The following PRDM1 variants were observed in gnomAD, a reference collection of about 807,000 sequenced individuals.
PRDM1 encodes PR domain zinc finger protein 1.
Under a neutral mutation model 62.8 loss-of-function variants are expected in PRDM1, and 13 were observed. The observed-to-expected ratio is 0.21, with a 90% CI of 0.13 to 0.33. The LOEUF (loss-of-function observed/expected upper bound fraction) is 0.33, where lower values mean the gene tolerates loss of function less well. PRDM1 is among the 10% of genes least tolerant of loss of function. The pLI is 1.00. For synonymous variants in PRDM1, 396 were observed against 417.6 expected (o/e 0.95, Z 0.63); for missense variants, 895 against 1,058.8 (o/e 0.85, Z 2.15).
At chr6:106,048,699 A>G (rs2114581609) in exon 1 of PRDM1, among the ~76,000 whole-genome samples, 1 of 152,304 alleles carries the variant, frequency 6.6e-6, no homozygotes, top group East Asian at 1.9e-4. Flanking sequence ...TTTATGGAAT[A>G]CTGAAGGCCA....
intron 1 of PRDM1, among the ~76,000 whole-genome samples, chr6:105,996,023 A>G (rs534992463): frequency 1.3e-5 from 2 of 152,270 alleles, no homozygotes; most frequent in East Asian, 1.9e-4. Flanking sequence ...TCTTTTTTCA[A>G]ACTTGATTTC....
chr6:105,999,144 G>T (rs1407440853), intron 1 of PRDM1, among the ~76,000 whole-genome samples: 1 of 151,834 alleles, frequency 6.6e-6, no homozygotes, highest in Non-Finnish European at 1.5e-5. Flanking sequence ...TCACTATGTT[G>T]CCCAGGTTGG....
chr6:106,043,083 T>C (rs752323679), intron 1 of PRDM1, among the ~76,000 whole-genome samples: 15 of 152,160 alleles, frequency 9.9e-5, no homozygotes, highest in Non-Finnish European at 2.1e-4. Context: ...ACTCCTGACC[T>C]TAGCTGATCT....
chr6:106,006,254 C>G (rs565569699), intron 1 of PRDM1, among the ~76,000 whole-genome samples: 1 of 152,158 alleles, frequency 6.6e-6, no homozygotes, highest in East Asian at 1.9e-4. Context: ...TTTTTCCTCC[C>G]TTATATGGAT....
intron 3 of PRDM1, chr6:106,098,657 C>T: frequency 1.5e-6 from 2 of 1,344,520 alleles, no homozygotes; most frequent in Non-Finnish European, 9.9e-7. Context: ...GGCTGCTGCC[C>T]GAGTGTTCGC....
In PRDM1 at chr6:106,033,317, GT is replaced by G. The variant is rs147098593; in HGVS notation, c.-67+39694del. Among the ~76,000 whole-genome samples the G allele has an allele frequency of 6.2e-3, 841 of 136,238 alleles. 3 individuals are homozygous for G. Among genetic ancestry groups the G allele is most frequent in the African/African-American group, 0.012 (448 of 37,168 alleles). The allele number at this position is 136,238 out of a possible 152,430, so 89.4% of individuals were successfully genotyped here. ...GCACCATTATGCCCAGCTAATATTA[GT>G]TTTTTTTTTTTTTTTGTAGAGACAG... is the stretch of plus-strand genomic sequence containing the variant. On this transcript the variant is annotated intron_variant, in intron 1 of 6. Transcript: ENST00000652320.
At chr6:106,040,441 A>T (rs1772977693) in intron 1 of PRDM1, among the ~76,000 whole-genome samples, 1 of 152,198 alleles carries the variant, frequency 6.6e-6, no homozygotes, top group South Asian at 2.1e-4. Context: ...ACCTTCTAGT[A>T]AAAGGATTGA....
At chr6:106,104,036 A>G (rs929372927) in intron 4 of PRDM1, among the ~76,000 whole-genome samples, 6 of 152,354 alleles carry the variant, frequency 3.9e-5, no homozygotes, top group Middle Eastern at 6.8e-3. Flanking sequence ...CAACAAGAGT[A>G]GAAGCGAAAA....
At chr6:106,076,011 G>A (rs1428373211) in intron 1 of PRDM1, among the ~76,000 whole-genome samples, 2 of 151,624 alleles carry the variant, frequency 1.3e-5, no homozygotes, top group East Asian at 1.9e-4. Flanking sequence ...GAGTGCAGTG[G>A]CACGATCTCT....
chr6:106,022,193 T>C (rs1772704266), intron 1 of PRDM1, among the ~76,000 whole-genome samples: 1 of 152,248 alleles, frequency 6.6e-6, no homozygotes, highest in Non-Finnish European at 1.5e-5. Context: ...GCAAATCTTC[T>C]AGATAATTGG....
chr6:106,058,938 G>C (rs952119157), intron 1 of PRDM1, among the ~76,000 whole-genome samples: 1 of 152,148 alleles, frequency 6.6e-6, no homozygotes, highest in African/African-American at 2.4e-5. Flanking sequence ...GGTTCTTAAA[G>C]ATCACTCGAT....
At chr6:106,046,167 A>G (rs1309715860), upstream of PRDM1, 1 of 152,242 alleles carries the variant, frequency 6.6e-6, no homozygotes, top group Non-Finnish European at 1.5e-5. Context: ...AATCAGGCCT[A>G]TTCAGAAAAG....
chr6:106,073,979 C>T (rs535396581), intron 1 of PRDM1, among the ~76,000 whole-genome samples: 2 of 152,208 alleles, frequency 1.3e-5, no homozygotes, highest in Non-Finnish European at 2.9e-5. Context: ...GGTCAGCATC[C>T]GTGGGAGCCA....
intron 1 of PRDM1, among the ~76,000 whole-genome samples, chr6:106,075,249 C>T (rs1415691282): frequency 6.6e-6 from 1 of 152,058 alleles, no homozygotes; most frequent in Non-Finnish European, 1.5e-5. Flanking sequence ...TAAGGACAGT[C>T]TATTATTTTC....
chr6:106,099,922 T>C lies in PRDM1; in HGVS notation c.664+370T>C, dbSNP rs968576601. On this transcript the variant is annotated intron_variant, in intron 4 of 6. Coordinates refer to ENST00000369096, the MANE Select transcript of PRDM1 (RefSeq NM_001198.4). ...TGTGGTACTTTGGCAGGGCTTAGAC[T>C]GCATCAAAATATTTATAGATGTACA... 4.6e-5 allele frequency among the ~76,000 whole-genome samples: 7 copies of C among 152,240 alleles called. 1 individual carries two copies. Among genetic ancestry groups the C allele is most frequent in the Admixed American group, 2.0e-4 (3 of 15,290 alleles).
chr6:106,042,131 C>CATTATAT (rs1330618370), intron 1 of PRDM1, among the ~76,000 whole-genome samples: 11 of 150,406 alleles, frequency 7.3e-5, no homozygotes, highest in African/African-American at 2.4e-4. Flanking sequence ...TTTTGTAAAA[C>CATTATAT]ATTTTTAAAT....
intron 1 of PRDM1, 75 bp downstream of exon 1, chr6:106,086,670 T>C: frequency 2.2e-6 from 3 of 1,350,144 alleles, no homozygotes; most frequent in Non-Finnish European, 3.0e-6. Context: ...TTTATTGTTA[T>C]TATTATTAAT....
At chr6:106,065,455 G>A (rs7747748) in intron 1 of PRDM1, among the ~76,000 whole-genome samples, 28,654 of 152,114 alleles carry the variant, frequency 0.19, 2,943 homozygotes, top group African/African-American at 0.27. Context: ...TTGTTAATAA[G>A]CTGAAATGTA....
intron 1 of PRDM1, among the ~76,000 whole-genome samples, chr6:106,035,403 C>T (rs950076195): frequency 6.6e-6 from 1 of 152,120 alleles, no homozygotes; most frequent in African/African-American, 2.4e-5. Context: ...AGGAGAATCG[C>T]TTGAGGCCAG....
Sources: gnomAD v4.1 joint callset for allele counts (sites outside exome capture counted in the v4.1 genomes callset) on GRCh38, gnomAD v4.1.1 for gene constraint, MANE v1.5 for transcripts, NCBI Gene and HGNC (gene_info 2026-07-23, HGNC 2026-07-21) for gene names.